The following IRAG2 variants were observed in gnomAD, a reference collection of about 807,000 sequenced individuals.
IRAG2 encodes the protein inositol 1,4,5-triphosphate receptor associated 2.
In IRAG2, 45 loss-of-function variants were observed where a neutral mutation model predicts 69.9. The observed-to-expected ratio is 0.64, with a 90% confidence interval of 0.51 to 0.83. IRAG2 has a LOEUF of 0.83. Among genes scored for constraint, IRAG2 ranks in the 40% least tolerant of loss-of-function variants. The pLI, the probability that IRAG2 is intolerant of heterozygous loss-of-function variation, is 0.00. For synonymous variants in IRAG2, 193 were observed against 202.4 expected (o/e 0.95, Z 0.40); for missense variants, 520 against 587.0 (o/e 0.89, Z 1.18).
the IRAG2 span, among the ~76,000 whole-genome samples, chr12:24,999,270 T>C: frequency 2.0e-5 from 3 of 152,300 alleles, no homozygotes; most frequent in East Asian, 5.8e-4. Flanking sequence ...GTGGTGAAAA[T>C]CAAATATATA....
chr12:25,035,452 A>G (rs1270648193), intron 13 of IRAG2: 1 of 381,544 alleles, frequency 2.6e-6, no homozygotes, highest in African/African-American at 2.1e-5. Flanking sequence ...TTTCCTTAAG[A>G]CAGAATAAAT....
At chr12:25,043,761 A>G (rs1013069255) in intron 16 of IRAG2, among the ~76,000 whole-genome samples, 4 of 152,226 alleles carry the variant, frequency 2.6e-5, no homozygotes, top group Admixed American at 2.0e-4. Flanking sequence ...GTATGAGACC[A>G]GTATGTGAAG....
At chr12:25,030,427 C>A in intron 10 of IRAG2, 2 of 929,898 alleles carry the variant, frequency 2.2e-6, no homozygotes, top group Non-Finnish European at 2.8e-6. Flanking sequence ...TGCTCTGTTG[C>A]CCAGGCTGGA....
intron 2 of IRAG2, among the ~76,000 whole-genome samples, chr12:25,009,620 G>A (rs1256264525): frequency 6.6e-6 from 1 of 152,180 alleles, no homozygotes; most frequent in Non-Finnish European, 1.5e-5. Flanking sequence ...TGCGATCATG[G>A]AGGCGGGCAA....
intron 13 of IRAG2, chr12:25,034,082 C>G: frequency 2.5e-6 from 1 of 394,634 alleles, no homozygotes; most frequent in Non-Finnish European, 4.5e-6. Context: ...TCTTAGAGTC[C>G]AAGTCTAAAG....
intron 10 of IRAG2, among the ~76,000 whole-genome samples, chr12:25,084,974 C>T (rs190942160): frequency 1.4e-4 from 22 of 152,314 alleles, no homozygotes; most frequent in African/African-American, 5.1e-4. Context: ...TAGTTCAAGC[C>T]CCTAGGGGGA....
chr12:25,016,487 GCA>G lies in IRAG2; in HGVS notation c.1056-644_1056-643del, dbSNP rs1944529769. On this transcript the variant is annotated intron_variant, in intron 5 of 38. Transcript: ENST00000636465. ...CCTTCGCTGAAAGAATATAGGCTGG[GCA>G]CAGAGGCTCATGCCTGTAATCCCAG... Among the ~76,000 whole-genome samples, 3 of 152,312 alleles carry G rather than the reference GCA, an allele frequency of 2.0e-5. No homozygotes were observed. In the South Asian group the frequency reaches 6.2e-4, roughly 32 times the overall value.
the IRAG2 span, among the ~76,000 whole-genome samples, chr12:24,998,260 T>G: frequency 6.6e-6 from 1 of 152,126 alleles, no homozygotes; most frequent in Non-Finnish European, 1.5e-5. Context: ...TATAACAAGG[T>G]TAACTGAATT....
chr12:25,079,752 T>C lies in IRAG2; in HGVS notation c.233T>C (p.Ile78Thr), dbSNP rs35794789. The C allele has an allele frequency of 3.3e-4, 533 of 1,611,766 alleles. 2 individuals carry two copies. In the African/African-American group the frequency reaches 5.7e-3, roughly 17 times the overall value. The part of the protein sequence containing the change: ...EEDTRSASPT[I>T]EAQGTSPAHD... ...GATACAAGATCAGCTTCTCCCACGA[T>C]AGAGGCCCAAGGTAAAATGTTGACA... The change falls in exon 9 of 22, where the codon ATA becomes ACA. Residue 78 changes from isoleucine to threonine, a missense_variant. Physicochemically the swap from Ile to Thr is moderately conservative, Grantham distance 89. Transcript: ENST00000556887.
rs764230629 is a variant in IRAG2, at chr12:25,079,762, A to G, written c.243A>G (p.Gln81=). 6.2e-7 allele frequency: 1 copy of G among 1,604,108 alleles called. No homozygotes were observed. Among genetic ancestry groups the G allele is most frequent in the Non-Finnish European group, 8.5e-7 (1 of 1,170,820 alleles). ...CAGCTTCTCCCACGATAGAGGCCCA[A>G]GGTAAAATGTTGACAGGTGTAAGCA... The part of the protein sequence containing the change: ...TRSASPTIEA[Q]GTSPAHDNIA... The change falls in exon 9 of 22, where the codon CAA becomes CAG. Residue 81 remains glutamine, a splice_region_variant and synonymous_variant. Coordinates refer to ENST00000556887, the MANE Select transcript of IRAG2 (RefSeq NM_001366544.2).
chr12:25,057,284 G>C (rs1278008873), intron 1 of IRAG2, among the ~76,000 whole-genome samples: 1 of 102,646 alleles, frequency 9.7e-6, no homozygotes, highest in East Asian at 3.2e-4. Context: ...TTTGAGACAG[G>C]ATCTCATTCT....
rs1944504681 is a variant in IRAG2 at position 25,014,497 on chromosome 12, T to C, written c.897-685T>C. ...GCTATTCCAGAGAGAAGCTTGAGGATTTGGTGCTTAGGTTAAGTAACAAAA... is the reference window on the plus strand; with the variant it reads ...GCTATTCCAGAGAGAAGCTTGAGGACTTGGTGCTTAGGTTAAGTAACAAAA... On this transcript the variant is annotated intron_variant, in intron 3 of 38. Transcript: ENST00000636465. Among the ~76,000 whole-genome samples, 3 of 152,072 alleles carry C rather than the reference T, an allele frequency of 2.0e-5. No homozygotes were observed. The South Asian group carries it at 6.2e-4, about 32-fold the overall frequency.
At chr12:25,057,459 G>GT (rs1368952267) in intron 1 of IRAG2, among the ~76,000 whole-genome samples, 3 of 151,044 alleles carry the variant, frequency 2.0e-5, no homozygotes, top group African/African-American at 7.3e-5. Flanking sequence ...GGATCTTGCA[G>GT]TGTTGCCTAG....
At chr12:25,088,847 T>C (rs1947827835) in intron 11 of IRAG2, among the ~76,000 whole-genome samples, 1 of 152,134 alleles carries the variant, frequency 6.6e-6, no homozygotes, top group African/African-American at 2.4e-5. Context: ...TTGAATAAAT[T>C]AATATGTATG....
In IRAG2 at chr12:25,107,040, G is replaced by C; in HGVS notation, c.1246G>C (p.Val416Leu). 6.3e-7 allele frequency: 1 copy of C among 1,581,708 alleles called. No individual in the cohort carries two copies. Among genetic ancestry groups the C allele is most frequent in the African/African-American group, 1.4e-5 (1 of 73,910 alleles). Residue 416 changes from valine to leucine, a missense_variant, in exon 21 of 22, where the codon GTC becomes CTC. By Grantham distance (32) the Val-to-Leu change is conservative (BLOSUM62 1). Transcript: ENST00000556887. ...GAAAAATAATCCATCAAAGTGGGAT[G>C]TCTCTTCAGTGTAAGTTATCTACTT... ...EKKNNPSKWD[V>L]SSVYDTIASW...
At chr12:25,025,809 A>C (rs1251002337) in intron 8 of IRAG2, among the ~76,000 whole-genome samples, 1 of 152,230 alleles carries the variant, frequency 6.6e-6, no homozygotes, top group East Asian at 1.9e-4. Flanking sequence ...TCAGGTAAGA[A>C]GGAAATTTTC....
intron 11 of IRAG2, chr12:25,032,293 G>A (rs560239024): frequency 5.0e-6 from 2 of 399,002 alleles, no homozygotes; most frequent in South Asian, 1.3e-4. Context: ...CTAATGTTGT[G>A]TGCGATTCCA....
rs1944928085 is a variant in IRAG2 at position 25,052,860 on chromosome 12, G to C, written c.-543G>C. 2 of 398,446 alleles carry C rather than the reference G, an allele frequency of 5.0e-6. No homozygotes were observed. Among genetic ancestry groups the C allele is most frequent in the Non-Finnish European group, 8.8e-6 (2 of 226,068 alleles). 24.7% of individuals were successfully genotyped at this position (398,446 alleles called of 1,614,324 possible). A position where few individuals can be genotyped will look rare whatever the true frequency, so the allele number is the denominator to read the frequency against. On this transcript the variant is annotated 5_prime_UTR_variant, in exon 1 of 22. An upstream open reading frame in the 5' UTR loses its in-frame stop. Transcript: ENST00000556887. ...AGCTACGTCTTTACTGCATAAATTAGAGGAAGCAATTTCGGAACAACGGAA... is the reference window on the plus strand; with the variant it reads ...AGCTACGTCTTTACTGCATAAATTACAGGAAGCAATTTCGGAACAACGGAA...
upstream of IRAG2, among the ~76,000 whole-genome samples, chr12:25,050,535 ACAAACAAACAAAC>A (rs1295808619): frequency 1.9e-4 from 23 of 122,998 alleles, 4 homozygotes; most frequent in Admixed American, 4.2e-4. Flanking sequence ...CTCAAAAAAA[ACAAACAAACAAAC>A]AAACAAAAAA....
Sources: allele counts gnomAD v4.1 joint callset (sites outside exome capture counted in the v4.1 genomes callset), GRCh38; gene constraint gnomAD v4.1.1; transcripts MANE v1.5; gene names NCBI Gene and HGNC (gene_info 2026-07-23, HGNC 2026-07-21).